SYT16: variants seen among roughly 807,000 people sequenced by gnomAD.
The protein encoded by SYT16 is synaptotagmin-16.
Under a neutral mutation model 61.4 loss-of-function variants are expected in SYT16, and 42 were observed. The observed-to-expected ratio is 0.68, with a 90% CI of 0.53 to 0.89. The LOEUF is 0.89. Ranked by LOEUF, SYT16 falls within the 40% of genes least tolerant of loss-of-function variation. SYT16 has a pLI of 0.00. For synonymous variants in SYT16, 314 were observed against 302.3 expected (o/e 1.04, Z -0.40); for missense variants, 804 against 807.3 (o/e 1.00, Z 0.05).
chr14:61,993,766 A>G (rs1328754169), intron 2 of SYT16, among the ~76,000 whole-genome samples: 2 of 152,214 alleles, frequency 1.3e-5, no homozygotes, highest in Non-Finnish European at 2.9e-5. Flanking sequence ...ACATCTTTTT[A>G]ACAGTTCTGG....
chr14:61,972,837 C>T (rs1276761933), intron 2 of SYT16, among the ~76,000 whole-genome samples: 1 of 152,178 alleles, frequency 6.6e-6, no homozygotes, highest in Non-Finnish European at 1.5e-5. Flanking sequence ...AAACTCACTT[C>T]ACCTCTCTGA....
intron 1 of SYT16, among the ~76,000 whole-genome samples, chr14:61,900,250 C>T (rs1171851255): frequency 6.6e-6 from 1 of 151,864 alleles, no homozygotes; most frequent in Non-Finnish European, 1.5e-5. Context: ...CCTCTGCCTC[C>T]CAGGTTCAAG....
At chr14:61,951,416 A>G (rs2050665272) in intron 1 of SYT16, among the ~76,000 whole-genome samples, 2 of 152,310 alleles carry the variant, frequency 1.3e-5, no homozygotes, top group South Asian at 4.1e-4. Flanking sequence ...TTTTAAGGGT[A>G]TTGGATTAGT....
intron 7 of SYT16, among the ~76,000 whole-genome samples, chr14:62,092,327 C>T (rs530179685): frequency 1.3e-5 from 2 of 151,768 alleles, no homozygotes; most frequent in African/African-American, 4.8e-5. Flanking sequence ...TATGACAGTT[C>T]CTGAAAAGAT....
chr14:62,084,881 T>C (rs1206103743), intron 7 of SYT16, among the ~76,000 whole-genome samples: 1 of 152,214 alleles, frequency 6.6e-6, no homozygotes, highest in African/African-American at 2.4e-5. Context: ...GGAGTTGTTT[T>C]GGAGTTTAAA....
chr14:61,899,732 A>T (rs1172164765), intron 1 of SYT16, among the ~76,000 whole-genome samples: 2 of 152,328 alleles, frequency 1.3e-5, no homozygotes, highest in Middle Eastern at 3.4e-3. Flanking sequence ...TGAATCCTAG[A>T]TGAACAAAGC....
intron 2 of SYT16, among the ~76,000 whole-genome samples, chr14:61,979,666 G>T (rs910500519): frequency 2.0e-5 from 3 of 152,056 alleles, no homozygotes; most frequent in Non-Finnish European, 4.4e-5. Flanking sequence ...GGTGGATCAC[G>T]AGGTCAAGAG....
chr14:61,862,272 T>A (rs2046989074), intron 1 of SYT16, among the ~76,000 whole-genome samples: 1 of 152,140 alleles, frequency 6.6e-6, no homozygotes, highest in South Asian at 2.1e-4. Context: ...GCAGTCAGTC[T>A]CCTCTCCCAC....
chr14:62,059,452 C>T (rs7148675), intron 3 of SYT16, among the ~76,000 whole-genome samples: 1 of 151,256 alleles, frequency 6.6e-6, no homozygotes, highest in Non-Finnish European at 1.5e-5. Flanking sequence ...CTTTATTTTC[C>T]CTCAGCCTAT....
intron 6 of SYT16, among the ~76,000 whole-genome samples, chr14:62,082,485 T>A (rs963664414): frequency 6.6e-6 from 1 of 152,146 alleles, no homozygotes; most frequent in East Asian, 1.9e-4. Flanking sequence ...GGCTCTATCT[T>A]CAGGTACAAC....
At chr14:61,813,442 A>T (rs1438522242) in intron 1 of SYT16, among the ~76,000 whole-genome samples, 1 of 151,984 alleles carries the variant, frequency 6.6e-6, no homozygotes, top group Non-Finnish European at 1.5e-5. Flanking sequence ...GTGCCTTTGG[A>T]AATTGGAATC....
At chr14:62,059,565 T>C (rs1416399220) in intron 3 of SYT16, among the ~76,000 whole-genome samples, 3 of 151,658 alleles carry the variant, frequency 2.0e-5, no homozygotes, top group Non-Finnish European at 4.4e-5. Flanking sequence ...TGCTTTTGTA[T>C]ATCCTAAGGT....
intron 1 of SYT16, among the ~76,000 whole-genome samples, chr14:61,850,173 C>T (rs1451182698): frequency 6.6e-6 from 1 of 150,490 alleles, no homozygotes; most frequent in Non-Finnish European, 1.5e-5. Context: ...TTGCTCCTGT[C>T]ACCCAGGCTG....
rs2057551246 is a variant in SYT16 at position 62,108,537 on chromosome 14, C to T, written c.*7830C>T. ...GTTTCTTTGTCAAGTTCCTTATAGC[C>T]AATGCCTTGACCAAAGCTTACTAAT... On this transcript the variant is annotated 3_prime_UTR_variant, in exon 8 of 8. Coordinates refer to ENST00000683842, the MANE Select transcript of SYT16 (RefSeq NM_001367656.1). The T allele has an allele frequency of 6.6e-6, 1 of 152,116 alleles. No individual in the cohort carries two copies. Among genetic ancestry groups the T allele is most frequent in the South Asian group, 2.1e-4 (1 of 4,822 alleles). 9.4% of individuals were successfully genotyped at this position (152,116 alleles called of 1,614,324 possible). A position where few individuals can be genotyped will look rare whatever the true frequency, so the allele number is the denominator to read the frequency against.
chr14:61,943,500 C>A (rs1259077278), intron 1 of SYT16, among the ~76,000 whole-genome samples: 1 of 152,158 alleles, frequency 6.6e-6, no homozygotes, highest in Non-Finnish European at 1.5e-5. Flanking sequence ...ATTTGCAAAT[C>A]GAATCCAGCA....
intron 7 of SYT16, among the ~76,000 whole-genome samples, chr14:62,087,332 AGCCGGCG>A (rs57843846): frequency 0.044 from 6,759 of 152,184 alleles, 500 homozygotes; most frequent in African/African-American, 0.15. Context: ...GCAGAGGGAG[AGCCGGCG>A]GCAGCCTGGG....
intron 2 of SYT16, among the ~76,000 whole-genome samples, chr14:61,979,783 G>A (rs1280377417): frequency 1.3e-5 from 2 of 152,122 alleles, no homozygotes; most frequent in Non-Finnish European, 2.9e-5. Context: ...CCAGGAGGCT[G>A]AGGCCGGAGA....
intron 1 of SYT16, among the ~76,000 whole-genome samples, chr14:61,910,005 A>C (rs1024576226): frequency 3.3e-5 from 5 of 152,178 alleles, no homozygotes; most frequent in African/African-American, 1.2e-4. Context: ...AATTTGAGTG[A>C]GTCCTCAGTT....
chr14:61,939,584 G>A (rs1274574857), intron 1 of SYT16, among the ~76,000 whole-genome samples: 2 of 152,124 alleles, frequency 1.3e-5, no homozygotes, highest in Admixed American at 6.5e-5. Flanking sequence ...GTACATGCCT[G>A]TGGCCAGATT....
Sources: allele counts gnomAD v4.1 joint callset (sites outside exome capture counted in the v4.1 genomes callset), GRCh38; gene constraint gnomAD v4.1.1; transcripts MANE v1.5; gene names NCBI Gene and HGNC (gene_info 2026-07-23, HGNC 2026-07-21).